The following COL4A4 variants were observed in gnomAD, a reference collection of about 807,000 sequenced individuals.
COL4A4 encodes collagen type IV alpha 4 chain.
In COL4A4, 105 loss-of-function variants were observed where a neutral mutation model predicts 192.9. That is an observed-to-expected ratio of 0.54 (90% CI 0.46 to 0.64). The LOEUF (loss-of-function observed/expected upper bound fraction) is 0.64, where lower values mean the gene tolerates loss of function less well. Among genes scored for constraint, COL4A4 ranks in the 30% least tolerant of loss-of-function variants. COL4A4 has a pLI of 0.00. For synonymous variants in COL4A4, 762 were observed against 769.9 expected (o/e 0.99, Z 0.17); for missense variants, 1,967 against 2,169.3 (o/e 0.91, Z 1.85).
the COL4A4 span, chr2:226,997,419 A>T: frequency 3.9e-5 from 6 of 152,184 alleles, no homozygotes; most frequent in African/African-American, 1.4e-4. Flanking sequence ...GTGCACAGCT[A>T]CACAAAGGTG....
intron 25 of COL4A4, among the ~76,000 whole-genome samples, chr2:227,070,428 A>G (rs1240245930): frequency 6.6e-6 from 1 of 152,140 alleles, no homozygotes; most frequent in East Asian, 1.9e-4. Context: ...ACGTATGTTT[A>G]TTGCGGCATT....
intron 6 of COL4A4, 145 bp from the exon 7 acceptor site, chr2:227,118,906 G>C: frequency 1.5e-6 from 1 of 659,488 alleles, no homozygotes; most frequent in African/African-American, 1.8e-5. Context: ...ACCCCAAAAG[G>C]CTACGTAGCA....
At position 227,052,395 on chromosome 2, in the gene COL4A4, C is replaced by T. The variant is rs769783985; in HGVS notation, c.2878G>A (p.Gly960Arg). Residue 960 changes from glycine to arginine, a missense_variant, in exon 32 of 48, where the codon GGA becomes AGA. By Grantham distance (125) the Gly-to-Arg change is moderately radical. Transcript: ENST00000396625. ...ATGATAGCCATTTCTCCTTCATCTC[C>T]GGGAGGTCCTATGGCTCCTATGGAT... ...RGAKGAIGPPGDEGEMAIISQ... is the reference protein window; with the variant it reads ...RGAKGAIGPPRDEGEMAIISQ... 14 of 1,608,358 alleles carry T rather than the reference C, an allele frequency of 8.7e-6. No individual in the cohort carries two copies. The highest frequency in any genetic ancestry group is 6.7e-5 in the Admixed American group (4 of 59,986).
At chr2:227,023,946 C>T (rs1234055211) in intron 43 of COL4A4, among the ~76,000 whole-genome samples, 1 of 151,116 alleles carries the variant, frequency 6.6e-6, no homozygotes, top group Non-Finnish European at 1.5e-5. Context: ...GCGGAGATTG[C>T]AGTGAGCCAA....
In COL4A4 at chr2:227,032,249, G is replaced by A. The variant is rs779182761; in HGVS notation, c.3605C>T (p.Pro1202Leu). The A allele has an allele frequency of 6.2e-6, 10 of 1,613,900 alleles. No homozygotes were observed. The East Asian group carries it at 1.3e-4, about 22-fold the overall frequency. The change falls in exon 39 of 48, where the codon CCA becomes CTA. Residue 1202 changes from proline (P) to leucine (L), a missense_variant. Physicochemically the swap from Pro to Leu is moderately conservative, Grantham distance 98. Transcript: ENST00000396625. ...SGLHDVGPPG[P>L]VGIPGLKGER... ...CCCTTTTAGCCCAGGTATTCCCACT[G>A]GACCAGGTGGCCCCACATCATGCAA...
intron 4 of COL4A4, among the ~76,000 whole-genome samples, chr2:227,129,391 G>C (rs1188524424): frequency 6.6e-6 from 1 of 151,120 alleles, no homozygotes; most frequent in Non-Finnish European, 1.5e-5. Context: ...TATCTGCTTG[G>C]GGTGATGTCT....
At chr2:227,060,113 A>C in intron 27 of COL4A4, 23 bp downstream of exon 27, 2 of 1,269,950 alleles carry the variant, frequency 1.6e-6, no homozygotes, top group South Asian at 1.3e-5. Flanking sequence ...AAAAAAAAAA[A>C]AAAAAAAAAA....
chr2:227,102,502 A>T (rs2060578634), intron 15 of COL4A4, among the ~76,000 whole-genome samples: 1 of 152,200 alleles, frequency 6.6e-6, no homozygotes, highest in Admixed American at 6.5e-5. Context: ...TAAATTAACT[A>T]TTCCAAGCTA....
intron 31 of COL4A4, among the ~76,000 whole-genome samples, chr2:227,052,790 C>T (rs1974407280): frequency 6.6e-6 from 1 of 152,174 alleles, no homozygotes; most frequent in South Asian, 2.1e-4. Context: ...CATATCTCCT[C>T]CTAGCCATCC....
chr2:226,998,472 G>C (rs1960057235), downstream of COL4A4: 3 of 152,138 alleles, frequency 2.0e-5, no homozygotes, highest in South Asian at 6.2e-4. Flanking sequence ...TTTTTCTTGA[G>C]AGATTCAGTA....
At position 227,054,671 on chromosome 2, in the gene COL4A4, C is replaced by T; in HGVS notation, c.2783G>A (p.Cys928Tyr). ...TCCAGGTTCTCCCTTTGCGCCAGGA[C>T]ATCCCTCTGCACCAGGCTTTCCTCT... ...GERGKPGAEG[C>Y]PGAKGEPGEK... is the part of the protein sequence containing the mutation. Residue 928 changes from cysteine (C) to tyrosine (Y), a missense_variant, in exon 31 of 48, where the codon TGT (cysteine) becomes TAT (tyrosine). By Grantham distance (194) the Cys-to-Tyr change is radical (BLOSUM62 -2). Coordinates refer to ENST00000396625, the MANE Select transcript of COL4A4 (RefSeq NM_000092.5). 1 of 1,614,276 alleles carries T rather than the reference C, an allele frequency of 6.2e-7. No homozygotes were observed. The highest frequency in any genetic ancestry group is 8.5e-7 in the Non-Finnish European group (1 of 1,180,044).
At chr2:227,056,495 T>C (rs1025392388) in intron 29 of COL4A4, among the ~76,000 whole-genome samples, 2 of 152,250 alleles carry the variant, frequency 1.3e-5, no homozygotes, top group Non-Finnish European at 2.9e-5. Flanking sequence ...GTGTCTAACA[T>C]TATTGGTGCT....
chr2:227,050,946 T>C (rs1325334865), intron 33 of COL4A4, 31 bp downstream of exon 33: 1 of 1,613,834 alleles, frequency 6.2e-7, no homozygotes, highest in East Asian at 2.2e-5. Context: ...GGTTTTATTG[T>C]CTCTTCCCCC....
chr2:227,161,730 T>C (rs1288841221), intron 1 of COL4A4, among the ~76,000 whole-genome samples: 1 of 152,152 alleles, frequency 6.6e-6, no homozygotes, highest in African/African-American at 2.4e-5. Context: ...GACCAGAGAC[T>C]CTACATTTCC....
chr2:226,997,863 G>A (rs940564627), downstream of COL4A4: 2 of 152,136 alleles, frequency 1.3e-5, no homozygotes, highest in African/African-American at 4.8e-5. Context: ...TTTAGTTAAT[G>A]GACTTGCCTG....
At chr2:227,028,623 C>T (rs1967546480) in intron 41 of COL4A4, among the ~76,000 whole-genome samples, 1 of 149,632 alleles carries the variant, frequency 6.7e-6, no homozygotes, top group Non-Finnish European at 1.5e-5. Flanking sequence ...TTCCATGAAA[C>T]TATGCTCTTT....
chr2:227,154,357 T>C (rs79107980), intron 1 of COL4A4, among the ~76,000 whole-genome samples: 82 of 152,232 alleles, frequency 5.4e-4, no homozygotes, highest in African/African-American at 1.9e-3. Context: ...CAACCCAATC[T>C]TGAAAACAAA....
chr2:227,138,218 G>A (rs1352420106), intron 4 of COL4A4, among the ~76,000 whole-genome samples: 1 of 152,176 alleles, frequency 6.6e-6, no homozygotes, highest in African/African-American at 2.4e-5. Flanking sequence ...CTTGGGAGGT[G>A]GAGGTGGGAG....
chr2:227,030,368 G>C (rs551158049), intron 41 of COL4A4, 75 bp downstream of exon 41: 3 of 1,476,426 alleles, frequency 2.0e-6, no homozygotes, highest in Non-Finnish European at 2.8e-6. Context: ...TAGAAATGGC[G>C]GCACAGTACC....
Sources: gnomAD v4.1 joint callset for allele counts (sites outside exome capture counted in the v4.1 genomes callset) on GRCh38, gnomAD v4.1.1 for gene constraint, MANE v1.5 for transcripts, NCBI Gene and HGNC (gene_info 2026-07-23, HGNC 2026-07-21) for gene names.